MAGI2: variants seen among roughly 807,000 people sequenced by gnomAD.
The protein encoded by MAGI2 is membrane-associated guanylate kinase, WW and PDZ domain-containing protein 2.
Under a neutral mutation model 133.3 loss-of-function variants are expected in MAGI2, and 35 were observed. The ratio of observed to expected loss-of-function variants is 0.26; its 90% CI spans 0.20 to 0.35. The LOEUF (loss-of-function observed/expected upper bound fraction) is 0.35, where lower values mean the gene tolerates loss of function less well. MAGI2 is among the 10% of genes least tolerant of loss of function. The pLI is 1.00. For missense variants in MAGI2, 1,636 were observed against 1,863.4 expected, an observed-to-expected ratio of 0.88 and a Z score of 2.25; for synonymous variants, 729 against 710.6, an observed-to-expected ratio of 1.03 and a Z score of -0.41.
intron 1 of MAGI2, among the ~76,000 whole-genome samples, chr7:79,214,430 T>A (rs1383628576): frequency 7.8e-6 from 1 of 127,932 alleles, no homozygotes; most frequent in Non-Finnish European, 1.6e-5. Flanking sequence ...TATATATATA[T>A]ATATATATAT....
At chr7:79,215,187 A>AAG (rs142905701) in intron 1 of MAGI2, among the ~76,000 whole-genome samples, 7,300 of 151,954 alleles carry the variant, frequency 0.048, 340 homozygotes, top group African/African-American at 0.11. Flanking sequence ...CATTAAAACG[A>AAG]AGTTTAAAGA....
At chr7:78,036,684 A>T (rs1810264266) in intron 21 of MAGI2, among the ~76,000 whole-genome samples, 1 of 151,974 alleles carries the variant, frequency 6.6e-6, no homozygotes, top group South Asian at 2.1e-4. Flanking sequence ...AGTAGTGATC[A>T]TAGCTCACTG....
At chr7:78,107,979 T>C (rs1411634563) in intron 20 of MAGI2, among the ~76,000 whole-genome samples, 8 of 151,848 alleles carry the variant, frequency 5.3e-5, no homozygotes, top group Non-Finnish European at 7.4e-5. Context: ...TATTTATTTC[T>C]GCTCTGATCT....
chr7:79,323,333 G>C (rs1466076075), intron 1 of MAGI2, among the ~76,000 whole-genome samples: 1 of 152,204 alleles, frequency 6.6e-6, no homozygotes, highest in Admixed American at 6.5e-5. Context: ...CAAGGTGGTA[G>C]AAAATGATAC....
At chr7:79,440,727 C>CA (rs553892669) in intron 1 of MAGI2, among the ~76,000 whole-genome samples, 2,430 of 150,624 alleles carry the variant, frequency 0.016, 40 homozygotes, top group South Asian at 0.038. Flanking sequence ...CTGCAAGTAA[C>CA]AAAAAAAAAT....
chr7:78,949,414 A>G (rs1307922277), intron 2 of MAGI2, among the ~76,000 whole-genome samples: 7 of 152,154 alleles, frequency 4.6e-5, no homozygotes, highest in African/African-American at 1.2e-4. Flanking sequence ...CTTTACCCAC[A>G]ATAACTATTA....
chr7:78,176,908 G>GACTCACACACACAC (rs781171770), intron 14 of MAGI2, among the ~76,000 whole-genome samples: 11 of 130,482 alleles, frequency 8.4e-5, no homozygotes, highest in African/African-American at 2.3e-4. Context: ...ACCATATATA[G>GACTCACACACACAC]ACACACACAC....
chr7:78,978,841 C>T (rs1465625708), intron 2 of MAGI2, among the ~76,000 whole-genome samples: 3 of 151,820 alleles, frequency 2.0e-5, no homozygotes, highest in South Asian at 2.1e-4. Flanking sequence ...CAGCTCTGTA[C>T]TCTAGTTGAT....
At chr7:79,046,156 T>A (rs1461955242) in intron 1 of MAGI2, among the ~76,000 whole-genome samples, 18 of 152,200 alleles carry the variant, frequency 1.2e-4, no homozygotes, top group Non-Finnish European at 2.4e-4. Context: ...TGGGCTGAAC[T>A]GTGTCCCCTT....
intron 1 of MAGI2, among the ~76,000 whole-genome samples, chr7:79,053,600 T>C (rs1812875487): frequency 6.6e-6 from 1 of 152,186 alleles, no homozygotes; most frequent in African/African-American, 2.4e-5. Flanking sequence ...ATATGGAATG[T>C]ATCCTAAGTA....
chr7:79,328,597 C>A lies in MAGI2; in HGVS notation c.301+124423G>T, dbSNP rs185406087. On this transcript the variant is annotated intron_variant, in intron 1 of 21. Coordinates refer to ENST00000354212, the MANE Select transcript of MAGI2 (RefSeq NM_012301.4). ...AATTCAGCTCCACAGACACTGGAGT[C>A]ATTTCTTTTTCTCTGTTGCATGCAA... Among the ~76,000 whole-genome samples, 5 of 152,214 alleles carry A rather than the reference C, an allele frequency of 3.3e-5. No homozygotes were observed. The East Asian group carries it at 9.6e-4, about 29-fold the overall frequency.
At chr7:78,506,431 T>G (rs1795093953) in intron 4 of MAGI2, among the ~76,000 whole-genome samples, 1 of 152,152 alleles carries the variant, frequency 6.6e-6, no homozygotes, top group African/African-American at 2.4e-5. Context: ...TACTATAATT[T>G]TAGCCATGAG....
At chr7:78,347,883 AG>A (rs1791081590) in intron 7 of MAGI2, among the ~76,000 whole-genome samples, 1 of 152,258 alleles carries the variant, frequency 6.6e-6, no homozygotes, top group Admixed American at 6.5e-5. Flanking sequence ...TGTGGTGCAC[AG>A]TGAACTAATA....
intron 2 of MAGI2, among the ~76,000 whole-genome samples, chr7:78,642,922 T>C (rs1461399204): frequency 6.6e-6 from 1 of 152,104 alleles, no homozygotes; most frequent in Non-Finnish European, 1.5e-5. Context: ...ATTTTTGTTG[T>C]GGGAGATAGA....
intron 3 of MAGI2, among the ~76,000 whole-genome samples, chr7:78,535,588 G>GT (rs34678845): frequency 1.6e-4 from 24 of 149,626 alleles, no homozygotes; most frequent in Non-Finnish European, 3.1e-4. Flanking sequence ...CATCCAAACT[G>GT]TTTTTTTTTT....
At chr7:78,360,520 G>A (rs1284118672) in intron 7 of MAGI2, among the ~76,000 whole-genome samples, 2 of 152,216 alleles carry the variant, frequency 1.3e-5, no homozygotes, top group South Asian at 2.1e-4. Context: ...AAGAAGCAGA[G>A]CATGTTTAAT....
intron 2 of MAGI2, among the ~76,000 whole-genome samples, chr7:78,664,745 A>T (rs902982430): frequency 5.3e-5 from 8 of 151,908 alleles, no homozygotes; most frequent in Non-Finnish European, 1.0e-4. Flanking sequence ...AACAATTATT[A>T]ATACGTGCCT....
chr7:79,205,323 A>G (rs1321018037), intron 1 of MAGI2, among the ~76,000 whole-genome samples: 1 of 151,998 alleles, frequency 6.6e-6, no homozygotes, highest in African/African-American at 2.4e-5. Flanking sequence ...AAGTGAGGTG[A>G]AATACTCAAA....
intron 2 of MAGI2, among the ~76,000 whole-genome samples, chr7:78,786,527 T>C (rs538263073): frequency 5.3e-5 from 8 of 152,306 alleles, no homozygotes; most frequent in African/African-American, 1.9e-4. Context: ...CCTTTTCTCT[T>C]GTTCACTGGA....
Sources: gnomAD v4.1 joint callset for allele counts (sites outside exome capture counted in the v4.1 genomes callset) on GRCh38, gnomAD v4.1.1 for gene constraint, MANE v1.5 for transcripts, NCBI Gene and HGNC (gene_info 2026-07-23, HGNC 2026-07-21) for gene names.